The following UNC13B variants were observed in gnomAD, a reference collection of about 807,000 sequenced individuals.
UNC13B encodes protein unc-13 homolog B.
A neutral mutation model predicts 211.0 loss-of-function variants in UNC13B; 144 were observed. The ratio of observed to expected loss-of-function variants is 0.68; its 90% CI spans 0.60 to 0.78. The LOEUF (loss-of-function observed/expected upper bound fraction) is 0.78. UNC13B is among the 30% of genes least tolerant of loss of function. The pLI is 0.00. For missense variants in UNC13B, 1,777 were observed against 2,002.0 expected (o/e 0.89, Z 2.14); for synonymous variants, 709 against 725.8 (o/e 0.98, Z 0.37).
intron 7 of UNC13B, among the ~76,000 whole-genome samples, chr9:35,262,890 G>A (rs777982178): frequency 2.6e-5 from 4 of 152,092 alleles, no homozygotes; most frequent in African/African-American, 4.8e-5. Context: ...CCGTGATCAT[G>A]CCACTGCACC....
intron 9 of UNC13B, among the ~76,000 whole-genome samples, chr9:35,309,017 G>T (rs1830056947): frequency 6.6e-6 from 1 of 152,128 alleles, no homozygotes; most frequent in South Asian, 2.1e-4. Flanking sequence ...CTACCCTCAA[G>T]GCTGATGTCT....
chr9:35,275,529 A>T (rs1828126372), intron 7 of UNC13B, among the ~76,000 whole-genome samples: 1 of 152,178 alleles, frequency 6.6e-6, no homozygotes, highest in Non-Finnish European at 1.5e-5. Flanking sequence ...CTGTTCGAAT[A>T]TACAGGTATA....
intron 6 of UNC13B, among the ~76,000 whole-genome samples, chr9:35,246,516 T>G (rs2131572390): frequency 6.6e-6 from 1 of 152,338 alleles, no homozygotes; most frequent in Admixed American, 6.5e-5. Context: ...CCATCTTGAA[T>G]TAATTTTTGT....
Position 35,364,453 on chromosome 9 carries a change from G to A in UNC13B, c.9415-2494G>A, listed in dbSNP as rs1054225653. On this transcript the variant is annotated intron_variant, in intron 11 of 39. Coordinates refer to ENST00000635942, the MANE Select transcript of UNC13B (RefSeq NM_001371189.2). ...CTCTCCCTCTCTTCCATGTCCCTTGGAGTTTAGCTGGCATTTTCTTTGGGT... is the reference window on the plus strand; with the variant it reads ...CTCTCCCTCTCTTCCATGTCCCTTGAAGTTTAGCTGGCATTTTCTTTGGGT... The A allele has an allele frequency of 2.2e-5, 30 of 1,393,720 alleles. No individual in the cohort carries two copies. The South Asian group carries it at 3.7e-4, about 17-fold the overall frequency. The allele number at this position is 1,393,720 out of a possible 1,614,324, so 86.3% of individuals were successfully genotyped here. A position where few individuals can be genotyped will look rare whatever the true frequency, so the allele number is the denominator to read the frequency against.
At chr9:35,308,910 A>G (rs201083314) in intron 9 of UNC13B, among the ~76,000 whole-genome samples, 2 of 152,328 alleles carry the variant, frequency 1.3e-5, no homozygotes, top group African/African-American at 4.8e-5. Flanking sequence ...TAAGCAAAAT[A>G]CAAAGTGCAA....
In UNC13B at chr9:35,404,366, C is replaced by G. The variant is rs1836547252; in HGVS notation, c.*333C>G. On this transcript the variant is annotated 3_prime_UTR_variant, in exon 40 of 40. Coordinates refer to ENST00000635942, the MANE Select transcript of UNC13B (RefSeq NM_001371189.2). ...CTCCTCATCCCACCTCTACCCATCT[C>G]CATGCCACACCTTATCCAGTTAGAC... The G allele has an allele frequency of 3.0e-6, 1 of 336,980 alleles. No homozygotes were observed. Among genetic ancestry groups the G allele is most frequent in the African/African-American group, 2.1e-5 (1 of 48,228 alleles). The allele number at this position is 336,980 out of a possible 1,614,324, so 20.9% of individuals were successfully genotyped here. A position where few individuals can be genotyped will look rare whatever the true frequency, so the allele number is the denominator to read the frequency against.
chr9:35,405,205 T>C lies in UNC13B; in HGVS notation c.*1172T>C, dbSNP rs1836599302. ...GCAGCCTCCTGGACTTCCTGAGGACTCGACATTGTCCACAGATGTACTGGC... is the reference window on the plus strand; with the variant it reads ...GCAGCCTCCTGGACTTCCTGAGGACCCGACATTGTCCACAGATGTACTGGC... On this transcript the variant is annotated 3_prime_UTR_variant, in exon 40 of 40. Coordinates refer to ENST00000635942, the MANE Select transcript of UNC13B (RefSeq NM_001371189.2). 1 of 152,644 alleles carries C rather than the reference T, an allele frequency of 6.6e-6. No individual in the cohort carries two copies. Among genetic ancestry groups the C allele is most frequent in the African/African-American group, 2.4e-5 (1 of 41,440 alleles). 9.5% of individuals were successfully genotyped at this position (152,644 alleles called of 1,614,324 possible).
chr9:35,289,748 G>C (rs1409820967), intron 7 of UNC13B, among the ~76,000 whole-genome samples: 2 of 152,036 alleles, frequency 1.3e-5, no homozygotes, highest in Non-Finnish European at 2.9e-5. Context: ...AGGCTGAGGC[G>C]GGTGGATCAC....
intron 1 of UNC13B, among the ~76,000 whole-genome samples, chr9:35,210,812 C>T (rs1165421537): frequency 6.6e-6 from 1 of 152,202 alleles, no homozygotes; most frequent in African/African-American, 2.4e-5. Context: ...GTGTGAGCCA[C>T]TGCATCTGGC....
At chr9:35,194,988 G>C (rs1259950074) in intron 1 of UNC13B, among the ~76,000 whole-genome samples, 1 of 152,194 alleles carries the variant, frequency 6.6e-6, no homozygotes, top group Non-Finnish European at 1.5e-5. Context: ...GTCTTAAGGA[G>C]GCAGTGTCTG....
At chr9:35,357,003 A>G (rs1353109336) in intron 11 of UNC13B, among the ~76,000 whole-genome samples, 2 of 152,184 alleles carry the variant, frequency 1.3e-5, no homozygotes, top group African/African-American at 4.8e-5. Flanking sequence ...TTGAGTTATT[A>G]TTACCACTTC....
At chr9:35,387,328 C>T (rs984615313) in intron 24 of UNC13B, among the ~76,000 whole-genome samples, 2 of 152,140 alleles carry the variant, frequency 1.3e-5, no homozygotes, top group African/African-American at 4.8e-5. Context: ...TAACTACATC[C>T]AATTTGTAAA....
rs1384401462 is a variant in UNC13B, at chr9:35,306,280, G to A, written c.6876G>A (p.Glu2292=). ...GTATTTCCATTAACAACACCATTGA[G>A]GTTACCTCCCTTGCAGATGAGCTCA... ...APCISINNTI[E]VTSLADELSV... is the part of the protein sequence containing the mutation. The change falls in exon 9 of 40, where the codon GAG becomes GAA. Residue 2292 remains glutamate, a synonymous_variant. Coordinates refer to ENST00000635942, the MANE Select transcript of UNC13B (RefSeq NM_001371189.2). 7.5e-6 allele frequency: 3 copies of A among 398,920 alleles called. No homozygotes were observed. The highest frequency in any genetic ancestry group is 2.1e-5 in the African/African-American group (1 of 48,624). 24.7% of individuals were successfully genotyped at this position (398,920 alleles called of 1,614,324 possible). A position where few individuals can be genotyped will look rare whatever the true frequency, so the allele number is the denominator to read the frequency against.
intron 7 of UNC13B, among the ~76,000 whole-genome samples, chr9:35,265,986 G>A (rs151111519): frequency 6.6e-6 from 1 of 152,012 alleles, no homozygotes; most frequent in Non-Finnish European, 1.5e-5. Context: ...CATCACACCC[G>A]GCTAATTTTT....
intron 11 of UNC13B, among the ~76,000 whole-genome samples, chr9:35,355,727 G>A (rs537887298): frequency 6.6e-6 from 1 of 152,298 alleles, no homozygotes; most frequent in South Asian, 2.1e-4. Flanking sequence ...GAAGCTTTCT[G>A]AGGCAGTAAT....
intron 1 of UNC13B, among the ~76,000 whole-genome samples, chr9:35,184,580 C>T (rs933446861): frequency 3.9e-5 from 6 of 152,252 alleles, no homozygotes; most frequent in East Asian, 1.9e-4. Flanking sequence ...TGGCAGCGCA[C>T]GCCTGCAATC....
chr9:35,404,120 T>C lies in UNC13B; in HGVS notation c.*87T>C. 6.6e-7 allele frequency: 1 copy of C among 1,513,264 alleles called. No individual in the cohort carries two copies. Among genetic ancestry groups the C allele is most frequent in the Non-Finnish European group, 8.8e-7 (1 of 1,129,996 alleles). The allele number at this position is 1,513,264 out of a possible 1,614,324, so 93.7% of individuals were successfully genotyped here. A position where few individuals can be genotyped will look rare whatever the true frequency, so the allele number is the denominator to read the frequency against. ...TTAGCTGTGTAACCGGCTTAGGGTC[T>C]TTGCAGTCAAGAGGCTGACCCCTTC... On this transcript the variant is annotated 3_prime_UTR_variant, in exon 40 of 40. Transcript: ENST00000635942.
At chr9:35,176,672 G>A (rs747992330) in intron 1 of UNC13B, among the ~76,000 whole-genome samples, 9 of 151,984 alleles carry the variant, frequency 5.9e-5, no homozygotes, top group Non-Finnish European at 8.8e-5. Flanking sequence ...GTAGGACTAC[G>A]GAGGAGTTAG....
chr9:35,352,373 G>A (rs1832770975), intron 11 of UNC13B: 1 of 1,232,072 alleles, frequency 8.1e-7, no homozygotes, highest in Admixed American at 4.2e-5. Flanking sequence ...AGAGCATAGA[G>A]ACTTCATCTT....
Sources: gnomAD v4.1 joint callset for allele counts (sites outside exome capture counted in the v4.1 genomes callset) on GRCh38, gnomAD v4.1.1 for gene constraint, MANE v1.5 for transcripts, NCBI Gene and HGNC (gene_info 2026-07-23, HGNC 2026-07-21) for gene names.